CDH13: variants seen among roughly 807,000 people sequenced by gnomAD.
The protein encoded by CDH13 is cadherin-13.
CDH13 carries 24 observed loss-of-function variants against 63.8 expected under a neutral mutation model. The observed-to-expected ratio is 0.38, with a 90% CI of 0.27 to 0.53. The LOEUF is 0.53. Ranked by LOEUF, CDH13 falls within the 20% of genes least tolerant of loss-of-function variation. CDH13 has a pLI of 0.85. For missense variants in CDH13, 1,049 were observed against 903.1 expected (o/e 1.16, Z -2.07); for synonymous variants, 503 against 355.3 (o/e 1.42, Z -4.67).
chr16:83,193,740 T>C (rs2038794026), intron 4 of CDH13, among the ~76,000 whole-genome samples: 1 of 152,192 alleles, frequency 6.6e-6, no homozygotes, highest in African/African-American at 2.4e-5. Flanking sequence ...CACCAAGGAG[T>C]GGTAGAAAAA....
intron 1 of CDH13, among the ~76,000 whole-genome samples, chr16:82,698,245 G>A (rs1051997497): frequency 1.3e-5 from 2 of 152,236 alleles, no homozygotes; most frequent in Admixed American, 6.5e-5. Flanking sequence ...GGTTGGAAGA[G>A]TCTTTGCATG....
intron 3 of CDH13, among the ~76,000 whole-genome samples, chr16:83,035,009 C>A (rs2151479120): frequency 6.6e-6 from 1 of 152,070 alleles, no homozygotes; most frequent in East Asian, 1.9e-4. Flanking sequence ...CATTCATCTC[C>A]CACGTCCAGT....
chr16:83,720,107 T>C (rs1909488020), intron 10 of CDH13, among the ~76,000 whole-genome samples: 1 of 152,192 alleles, frequency 6.6e-6, no homozygotes, highest in Admixed American at 6.5e-5. Context: ...TGGTTGCTGC[T>C]GCCGAATTTG....
intron 1 of CDH13, among the ~76,000 whole-genome samples, chr16:82,630,087 CT>C (rs1907825702): frequency 6.6e-6 from 1 of 152,138 alleles, no homozygotes; most frequent in Admixed American, 6.5e-5. Context: ...GGGTCAGAGT[CT>C]TGATTTTCAG....
chr16:82,852,557 C>T (rs560182905), intron 1 of CDH13, among the ~76,000 whole-genome samples: 1 of 152,320 alleles, frequency 6.6e-6, no homozygotes, highest in South Asian at 2.1e-4. Context: ...TGCTTAGTCA[C>T]ATGTCTAAAA....
At chr16:82,879,280 T>G (rs540378740) in intron 2 of CDH13, among the ~76,000 whole-genome samples, 2 of 152,064 alleles carry the variant, frequency 1.3e-5, no homozygotes, top group East Asian at 3.9e-4. Flanking sequence ...CACTTTAGGT[T>G]TCTTTTTTAA....
chr16:83,502,828 A>G (rs2074312015), intron 7 of CDH13, among the ~76,000 whole-genome samples: 1 of 152,208 alleles, frequency 6.6e-6, no homozygotes, highest in Non-Finnish European at 1.5e-5. Flanking sequence ...GGAGTGTTCT[A>G]ACAGAGGCAC....
chr16:83,746,263 C>T (rs1912573740), intron 10 of CDH13, among the ~76,000 whole-genome samples: 1 of 152,186 alleles, frequency 6.6e-6, no homozygotes, highest in Non-Finnish European at 1.5e-5. Flanking sequence ...CTGCCACTCC[C>T]CACTTCTGGT....
chr16:83,052,768 C>A (rs2030488831), intron 3 of CDH13, among the ~76,000 whole-genome samples: 1 of 70,844 alleles, frequency 1.4e-5, no homozygotes, highest in East Asian at 5.0e-4. Flanking sequence ...CAGGGCGAGA[C>A]TTTATCTCAA....
chr16:83,712,268 G>A (rs1598549960), intron 10 of CDH13, among the ~76,000 whole-genome samples: 1 of 152,312 alleles, frequency 6.6e-6, no homozygotes, highest in Non-Finnish European at 1.5e-5. Flanking sequence ...GGAAAGGAGA[G>A]AACCTGTGGT....
At chr16:83,120,798 G>A (rs11865780) in intron 3 of CDH13, among the ~76,000 whole-genome samples, 1,923 of 120,880 alleles carry the variant, frequency 0.016, 48 homozygotes, top group African/African-American at 0.066. Context: ...GAGTCTCACC[G>A]TGTCACCCAG....
chr16:83,643,291 AAAAAAAAAAAG>A lies in CDH13; in HGVS notation c.1102-27488_1102-27478del, dbSNP rs1254540997. 9.2e-4 allele frequency among the ~76,000 whole-genome samples: 37 copies of A among 40,112 alleles called. 2 individuals are homozygous for A. Among genetic ancestry groups the A allele is most frequent in the South Asian group, 2.5e-3 (2 of 786 alleles). The allele number at this position is 40,112 out of a possible 152,430, so 26.3% of individuals were successfully genotyped here. A position where few individuals can be genotyped will look rare whatever the true frequency, so the allele number is the denominator to read the frequency against. On this transcript the variant is annotated intron_variant, in intron 8 of 13. Transcript: ENST00000567109. ...TATAACTTAGAGTATAATAAAAAAA[AAAAAAAAAAAG>A]AAAAAAAAAATTTAACAGATCTCTC...
intron 1 of CDH13, among the ~76,000 whole-genome samples, chr16:82,814,328 C>G (rs990108925): frequency 1.3e-5 from 2 of 152,008 alleles, no homozygotes; most frequent in Non-Finnish European, 2.9e-5. Flanking sequence ...CTGGATACCC[C>G]CAGGATGGGT....
chr16:83,009,602 C>A (rs1307765658), intron 2 of CDH13, among the ~76,000 whole-genome samples: 1 of 152,170 alleles, frequency 6.6e-6, no homozygotes, highest in Non-Finnish European at 1.5e-5. Flanking sequence ...CCCAGGACCA[C>A]TCTGACTCCA....
chr16:83,181,510 C>T (rs1301915422), intron 4 of CDH13, among the ~76,000 whole-genome samples: 5 of 152,154 alleles, frequency 3.3e-5, no homozygotes, highest in Admixed American at 3.3e-4. Context: ...ATTGGCTTTT[C>T]TTCAATAAAG....
chr16:83,330,253 A>T (rs1206235249), intron 5 of CDH13, among the ~76,000 whole-genome samples: 2 of 152,190 alleles, frequency 1.3e-5, no homozygotes, highest in Non-Finnish European at 2.9e-5. Flanking sequence ...AACTAAGGAA[A>T]TCTGGATACC....
intron 4 of CDH13, among the ~76,000 whole-genome samples, chr16:83,216,436 A>ATT (rs2039528811): frequency 8.3e-6 from 1 of 121,074 alleles, no homozygotes; most frequent in African/African-American, 3.0e-5. Flanking sequence ...ATATATATAT[A>ATT]TATATATACA....
chr16:83,774,091 A>C lies in CDH13; in HGVS notation c.1682-5877A>C, dbSNP rs1297202792. Among the ~76,000 whole-genome samples, 4 of 152,272 alleles carry C rather than the reference A, an allele frequency of 2.6e-5. No homozygotes were observed. The East Asian group carries it at 7.7e-4, about 29-fold the overall frequency. ...CTGAAAAAGATCTACTCAACTCTAT[A>C]ATCATTTTCGGCTACTGAGCTATTC... On this transcript the variant is annotated intron_variant, in intron 11 of 13. Coordinates refer to ENST00000567109, the MANE Select transcript of CDH13 (RefSeq NM_001257.5).
chr16:83,615,325 A>G (rs1909196426), intron 8 of CDH13, among the ~76,000 whole-genome samples: 1 of 152,130 alleles, frequency 6.6e-6, no homozygotes, highest in Non-Finnish European at 1.5e-5. Flanking sequence ...CCAGAAAGCC[A>G]ACCACATATT....
Sources: gnomAD v4.1 joint callset for allele counts (sites outside exome capture counted in the v4.1 genomes callset) on GRCh38, gnomAD v4.1.1 for gene constraint, MANE v1.5 for transcripts, NCBI Gene and HGNC (gene_info 2026-07-23, HGNC 2026-07-21) for gene names.